TCF20: variants seen among roughly 807,000 people sequenced by gnomAD.
TCF20 encodes SPRE-binding protein.
In TCF20, 3 loss-of-function variants were observed where a neutral mutation model predicts 148.6. The ratio of observed to expected loss-of-function variants is 0.02; its 90% CI spans 0.01 to 0.05. The LOEUF (loss-of-function observed/expected upper bound fraction) is 0.05. Among genes scored for constraint, TCF20 ranks in the 10% least tolerant of loss-of-function variants. The pLI is 1.00. For synonymous variants in TCF20, 1,049 were observed against 909.5 expected, an observed-to-expected ratio of 1.15 and a Z score of -2.76; for missense variants, 2,350 against 2,429.3, an observed-to-expected ratio of 0.97 and a Z score of 0.69.
intron 4 of TCF20, 113 bp downstream of exon 4, chr22:42,169,722 AACAGCCGGAGGC>A: frequency 1.0e-6 from 1 of 962,204 alleles, no homozygotes; most frequent in Non-Finnish European, 1.6e-6. Context: ...GGAGGGGACT[AACAGCCGGAGGC>A]ACAGGTGGGG....
In TCF20 at chr22:42,290,743, A is replaced by T. The variant is rs1216267002; in HGVS notation, c.-37+52736T>A. On this transcript the variant is annotated intron_variant, in intron 1 of 1. Coordinates refer to the TCF20 transcript ENST00000515426. This position sits in a 1 kb window ranked among gnomAD's most constrained non-coding sequence, Gnocchi z 4.2. Reference sequence around the variant, plus strand: ...CACTAGGCCTGGGGATGAGGCTGGGATGAGATGCTGGCCTCAAGGACAATT... The same window carrying T: ...CACTAGGCCTGGGGATGAGGCTGGGTTGAGATGCTGGCCTCAAGGACAATT... Among the ~76,000 whole-genome samples the T allele has an allele frequency of 1.3e-5, 2 of 152,184 alleles. No homozygotes were observed. Among genetic ancestry groups the T allele is most frequent in the Non-Finnish European group, 2.9e-5 (2 of 68,020 alleles).
chr22:42,288,328 G>A (rs1323411105), upstream of TCF20, among the ~76,000 whole-genome samples: 1 of 152,102 alleles, frequency 6.6e-6, no homozygotes, highest in Non-Finnish European at 1.5e-5. Context: ...ACGAGGTCAG[G>A]AAATCGAGAC....
upstream of TCF20, among the ~76,000 whole-genome samples, chr22:42,270,831 G>C (rs1220871604): frequency 6.7e-6 from 1 of 149,372 alleles, no homozygotes; most frequent in South Asian, 2.1e-4. Context: ...CGCCGGGTAG[G>C]GATCGCGAAG....
At position 42,212,084 on chromosome 22, in the gene TCF20, G is replaced by T. The variant is rs1921006634; in HGVS notation, c.3222C>A (p.Asp1074Glu). 6.2e-7 allele frequency: 1 copy of T among 1,614,132 alleles called. No individual in the cohort carries two copies. Among genetic ancestry groups the T allele is most frequent in the East Asian group, 2.2e-5 (1 of 44,874 alleles). The change falls in exon 2 of 6, where the codon GAC (aspartate) becomes GAA (glutamate). Residue 1074 changes from aspartate (D) to glutamate (E), a missense_variant. This residue lies in a region of TCF20 where 1,641 missense variants were observed against 1,662.6 expected (regional missense o/e 0.99). Transcript: ENST00000677622. ...HANTRAHAYG[D>E]PNAGLNSQLH... ...GCTGAGAATTCAAACCTGCGTTAGG[G>T]TCCCCATAAGCATGAGCCCGAGTAT...
At chr22:42,326,889 C>A (rs527825783) in intron 1 of TCF20, among the ~76,000 whole-genome samples, 1 of 152,390 alleles carries the variant, frequency 6.6e-6, no homozygotes, top group Non-Finnish European at 1.5e-5. Context: ...GCACAAGCAC[C>A]CTGCTCTGCA....
chr22:42,182,874 T>G (rs1601539224), intron 2 of TCF20, among the ~76,000 whole-genome samples: 2 of 152,314 alleles, frequency 1.3e-5, no homozygotes, highest in South Asian at 4.1e-4. Context: ...GTAGCTAGGA[T>G]TACAGGCATG....
chr22:42,335,986 C>G (rs961606163), intron 1 of TCF20, among the ~76,000 whole-genome samples: 2 of 152,218 alleles, frequency 1.3e-5, no homozygotes, highest in African/African-American at 4.8e-5. Flanking sequence ...TCCTGGCACC[C>G]ACCCACAGGT....
chr22:42,207,591 G>A (rs550918707), intron 2 of TCF20, among the ~76,000 whole-genome samples: 1 of 152,232 alleles, frequency 6.6e-6, no homozygotes, highest in Non-Finnish European at 1.5e-5. Context: ...CGAGGTGGGC[G>A]GATCACCTGA....
chr22:42,231,827 G>T (rs1441272788), intron 1 of TCF20, among the ~76,000 whole-genome samples: 1 of 151,588 alleles, frequency 6.6e-6, no homozygotes, highest in Non-Finnish European at 1.5e-5. Flanking sequence ...TACTCGAGAG[G>T]CTGAGGCAGA....
chr22:42,342,926 G>T (rs1025963596), intron 1 of TCF20, among the ~76,000 whole-genome samples: 1 of 152,200 alleles, frequency 6.6e-6, no homozygotes. Context: ...GCTTCTAGGC[G>T]CTAGTCAGGA....
chr22:42,161,698 G>C (rs987462750), intron 5 of TCF20, among the ~76,000 whole-genome samples: 1 of 152,230 alleles, frequency 6.6e-6, no homozygotes, highest in Non-Finnish European at 1.5e-5. Flanking sequence ...GGGGCAGCTG[G>C]TGGGGTTTTG....
At chr22:42,192,507 G>A (rs1035258663) in intron 2 of TCF20, among the ~76,000 whole-genome samples, 1 of 152,140 alleles carries the variant, frequency 6.6e-6, no homozygotes, top group Non-Finnish European at 1.5e-5. Context: ...CCTGGAAGTG[G>A]CAAGTTTTTC....
chr22:42,231,695 C>T (rs1923416100), intron 1 of TCF20, among the ~76,000 whole-genome samples: 1 of 151,782 alleles, frequency 6.6e-6, no homozygotes, highest in Non-Finnish European at 1.5e-5. Flanking sequence ...TTTGAGAGGC[C>T]CAGGCGGGTG....
chr22:42,298,333 G>T (rs1175641418), intron 1 of TCF20, among the ~76,000 whole-genome samples: 1 of 152,222 alleles, frequency 6.6e-6, no homozygotes, highest in African/African-American at 2.4e-5. Context: ...ATGGGCGATT[G>T]ACCCAAAGGG....
intron 1 of TCF20, among the ~76,000 whole-genome samples, chr22:42,242,506 G>A (rs1376782030): frequency 6.6e-6 from 1 of 152,044 alleles, no homozygotes; most frequent in African/African-American, 2.4e-5. Context: ...TTATCATAGG[G>A]TATACTATAT....
chr22:42,330,045 T>C lies in TCF20; in HGVS notation c.-37+13434A>G, dbSNP rs533376011. Among the ~76,000 whole-genome samples the C allele has an allele frequency of 4.7e-3, 713 of 152,224 alleles. 5 individuals are homozygous for C. Among genetic ancestry groups the C allele is most frequent in the African/African-American group, 0.016 (677 of 41,528 alleles). On this transcript the variant is annotated intron_variant, in intron 1 of 1. Transcript: ENST00000515426. Reference sequence around the variant, plus strand: ...TGGCCTCCTCCATCAGGCAAGAGCTTAAGGCCTCAACAGGGACCCAGGCCC... The same window carrying C: ...TGGCCTCCTCCATCAGGCAAGAGCTCAAGGCCTCAACAGGGACCCAGGCCC...
upstream of TCF20, among the ~76,000 whole-genome samples, chr22:42,271,279 G>T (rs1926610469): frequency 6.6e-6 from 1 of 152,212 alleles, no homozygotes; most frequent in Non-Finnish European, 1.5e-5. Context: ...GAAAACGCGA[G>T]GAGGGAGGCC....
chr22:42,232,713 C>T (rs964872596), intron 1 of TCF20, among the ~76,000 whole-genome samples: 2 of 151,546 alleles, frequency 1.3e-5, no homozygotes, highest in Non-Finnish European at 2.9e-5. Flanking sequence ...CACCTGTGGT[C>T]CCAGCAACCC....
At chr22:42,277,098 C>G (rs780585645) in intron 1 of TCF20, 2 of 152,278 alleles carry the variant, frequency 1.3e-5, no homozygotes, top group Non-Finnish European at 2.9e-5. Context: ...CATTCTGCCT[C>G]TCTGTCTAAC....
Sources: allele counts gnomAD v4.1 joint callset (sites outside exome capture counted in the v4.1 genomes callset), GRCh38; gene constraint gnomAD v4.1.1; regional missense constraint gnomAD v4.1.1; non-coding constraint Gnocchi (gnomAD v3.1); transcripts MANE v1.5; gene names NCBI Gene and HGNC (gene_info 2026-07-23, HGNC 2026-07-21).